ZNF483: variants seen among roughly 807,000 people sequenced by gnomAD.
The protein encoded by ZNF483 is zinc finger protein HIT-10.
ZNF483 carries 9 observed loss-of-function variants against 28.6 expected under a neutral mutation model. The observed-to-expected ratio is 0.32, with a 90% CI of 0.19 to 0.55. ZNF483 has a LOEUF of 0.55. ZNF483 is among the 20% of genes least tolerant of loss of function. The pLI is 0.93. For synonymous variants in ZNF483, 322 were observed against 306.2 expected, an observed-to-expected ratio of 1.05 and a Z score of -0.54; for missense variants, 675 against 871.7, an observed-to-expected ratio of 0.77 and a Z score of 2.84.
At chr9:111,539,141 T>G (rs12347287) in intron 5 of ZNF483, among the ~76,000 whole-genome samples, 45,053 of 126,798 alleles carry the variant, frequency 0.36, 8,578 homozygotes, top group Non-Finnish European at 0.43. Flanking sequence ...AAAAAAAACC[T>G]CATTCAAATC....
chr9:111,543,902 A>G lies in ZNF483; in HGVS notation c.*732A>G. On this transcript the variant is annotated 3_prime_UTR_variant, in exon 6 of 6. Coordinates refer to ENST00000309235, the MANE Select transcript of ZNF483 (RefSeq NM_133464.5). ...CCTGAGTAGCTGACATTACGGGTAC[A>G]CTCCATCAAGCCTGGTTCCTAGGAT... 6.1e-6 allele frequency: 6 copies of G among 984,456 alleles called. No homozygotes were observed. The highest frequency in any genetic ancestry group is 7.2e-6 in the Non-Finnish European group (6 of 829,764). 61.0% of individuals were successfully genotyped at this position (984,456 alleles called of 1,614,324 possible).
At chr9:111,538,739 G>A (rs949888714) in intron 5 of ZNF483, among the ~76,000 whole-genome samples, 1 of 152,098 alleles carries the variant, frequency 6.6e-6, no homozygotes, top group African/African-American at 2.4e-5. Context: ...TACACAGCTT[G>A]TTTTAAAAGT....
downstream of ZNF483, among the ~76,000 whole-genome samples, chr9:111,557,417 T>C (rs540316467): frequency 6.7e-6 from 1 of 148,852 alleles, no homozygotes; most frequent in African/African-American, 2.5e-5. Flanking sequence ...AAAGGTACCA[T>C]GCCGTTGAAC....
intron 2 of ZNF483, 110 bp from the exon 3 acceptor site, chr9:111,530,765 A>ATATATATATATT (rs1827309449): frequency 7.9e-5 from 2 of 25,268 alleles, no homozygotes; most frequent in African/African-American, 7.2e-4. Flanking sequence ...AAATATATAT[A>ATATATATATATT]TATATATATA....
chr9:111,528,474 A>T (rs1048127179), intron 2 of ZNF483, among the ~76,000 whole-genome samples: 1 of 152,174 alleles, frequency 6.6e-6, no homozygotes, highest in Non-Finnish European at 1.5e-5. Flanking sequence ...TATCATTATA[A>T]AATATTGATG....
At position 111,541,995 on chromosome 9, in the gene ZNF483, G is replaced by T. The variant is rs199941571; in HGVS notation, c.1060G>T (p.Ala354Ser). ...DLVLNRKEKTAGEKSRKSNDG... is the reference protein window; with the variant it reads ...DLVLNRKEKTSGEKSRKSNDG... ...TGTTCTGAACCGCAAGGAGAAAACC[G>T]CCGGAGAAAAGTCACGGAAATCTAA... The change falls in exon 6 of 6, where the codon GCC becomes TCC. Residue 354 changes from alanine to serine, a missense_variant. Transcript: ENST00000309235. The T allele has an allele frequency of 8.7e-6, 14 of 1,613,930 alleles. No individual in the cohort carries two copies. The highest frequency in any genetic ancestry group is 1.3e-5 in the African/African-American group (1 of 74,936).
intron 5 of ZNF483, among the ~76,000 whole-genome samples, chr9:111,541,146 G>C (rs1005137646): frequency 3.4e-5 from 5 of 146,670 alleles, no homozygotes; most frequent in Non-Finnish European, 7.4e-5. Flanking sequence ...CTGGAGTGCA[G>C]TGCCACAATC....
At chr9:111,538,169 G>A (rs2132246026) in intron 5 of ZNF483, among the ~76,000 whole-genome samples, 1 of 151,084 alleles carries the variant, frequency 6.6e-6, no homozygotes, top group Non-Finnish European at 1.5e-5. Context: ...TTGTCTGCAA[G>A]TTTTTTCAAA....
Position 111,542,185 on chromosome 9 carries a change from G to A in ZNF483, c.1250G>A (p.Arg417Gln), listed in dbSNP as rs773327460. The part of the protein sequence containing the change: ...RRKTPMCEKC[R>Q]KDSCQEAALN... The stretch of plus-strand genomic sequence containing the variant: ...AAAACCCCTATGTGTGAGAAATGTC[G>A]GAAAGATTCATGTCAAGAAGCAGCC... Residue 417 changes from arginine (R) to glutamine (Q), a missense_variant, in exon 6 of 6, where the codon CGG (arginine) becomes CAG (glutamine). This residue lies in a region of ZNF483 where 525 missense variants were observed against 581.8 expected (regional missense o/e 0.90). Transcript: ENST00000309235. This position sits in a 1 kb window ranked among gnomAD's most constrained non-coding sequence, Gnocchi z 6.2. 2.2e-5 allele frequency: 35 copies of A among 1,613,816 alleles called. No individual in the cohort carries two copies. Among genetic ancestry groups the A allele is most frequent in the African/African-American group, 1.1e-4 (8 of 74,860 alleles).
chr9:111,556,097 AAGG>A (rs779107166), downstream of ZNF483, among the ~76,000 whole-genome samples: 35 of 152,264 alleles, frequency 2.3e-4, no homozygotes, highest in Non-Finnish European at 4.3e-4. Flanking sequence ...CTCCCATTCC[AAGG>A]AGGAGAGATT....
intron 5 of ZNF483, chr9:111,563,450 G>C (rs550804134): frequency 2.3e-6 from 1 of 429,946 alleles, no homozygotes; most frequent in Non-Finnish European, 4.1e-6. Flanking sequence ...AGAAATAATA[G>C]GTGTCGGATC....
intron 5 of ZNF483, among the ~76,000 whole-genome samples, chr9:111,538,126 GT>G (rs368334957): frequency 7.3e-4 from 104 of 142,586 alleles, no homozygotes; most frequent in African/African-American, 1.1e-3. Flanking sequence ...TTTTGGGGTT[GT>G]TTTTTTTTTT....
chr9:111,534,937 C>T (rs2132235504), intron 5 of ZNF483, among the ~76,000 whole-genome samples: 1 of 151,976 alleles, frequency 6.6e-6, no homozygotes, highest in South Asian at 2.1e-4. Flanking sequence ...GTTGTCCAGG[C>T]TAGTCTTGAA....
At position 111,543,505 on chromosome 9, in the gene ZNF483, G is replaced by C; in HGVS notation, c.*335G>C. ...AACTTGACTGCAGTCACATAACTTG[G>C]ATTCTGTCCCAGTTTGCCAACCAAC... On this transcript the variant is annotated 3_prime_UTR_variant, in exon 6 of 6. Transcript: ENST00000309235. The C allele has an allele frequency of 4.9e-6, 5 of 1,028,706 alleles. No individual in the cohort carries two copies. Among genetic ancestry groups the C allele is most frequent in the Non-Finnish European group, 4.7e-6 (4 of 858,494 alleles). The allele number at this position is 1,028,706 out of a possible 1,614,324, so 63.7% of individuals were successfully genotyped here.
At chr9:111,570,294 C>G in intron 5 of ZNF483, 1 of 1,500,410 alleles carries the variant, frequency 6.7e-7, no homozygotes, top group East Asian at 2.3e-5. Context: ...TGTCACTGTG[C>G]TTGGTGCTGG....
rs1184220770 is a variant in ZNF483 at position 111,550,865 on chromosome 9, T to G, written c.*7695T>G. On this transcript the variant is annotated 3_prime_UTR_variant, in exon 6 of 6. Transcript: ENST00000309235. ...TCTGAGCATGTTAATTATAGTGTCT[T>G]TCTGTGTTATTCTGCTCCCTGCATT... 6.6e-6 allele frequency among the ~76,000 whole-genome samples: 1 copy of G among 152,224 alleles called. No individual in the cohort carries two copies. Among genetic ancestry groups the G allele is most frequent in the Non-Finnish European group, 1.5e-5 (1 of 68,036 alleles).
intron 5 of ZNF483, among the ~76,000 whole-genome samples, chr9:111,560,972 TATAGAGAGAGAGAGAGAGAG>T (rs1213725758): frequency 4.7e-5 from 1 of 21,320 alleles, no homozygotes; most frequent in Non-Finnish European, 8.5e-5. Flanking sequence ...TATATATATA[TATAGAGAGAGAGAGAGAGAG>T]AGAGAGAGAG....
intron 5 of ZNF483, chr9:111,563,194 A>C (rs201774010): frequency 6.2e-7 from 1 of 1,613,826 alleles, no homozygotes; most frequent in Non-Finnish European, 8.5e-7. Flanking sequence ...CATGTTTTCA[A>C]ATCCTTCAAT....
chr9:111,559,370 T>C (rs751722698), downstream of ZNF483, among the ~76,000 whole-genome samples: 1 of 152,024 alleles, frequency 6.6e-6, no homozygotes, highest in Non-Finnish European at 1.5e-5. Flanking sequence ...GCGATTCCAA[T>C]GCCCTTCTCA....
Sources: gnomAD v4.1 joint callset for allele counts (sites outside exome capture counted in the v4.1 genomes callset) on GRCh38, gnomAD v4.1.1 for gene constraint, gnomAD v4.1.1 regional missense constraint, Gnocchi (gnomAD v3.1) non-coding constraint, MANE v1.5 for transcripts, NCBI Gene and HGNC (gene_info 2026-07-23, HGNC 2026-07-21) for gene names.